GSTA2: variants seen among roughly 807,000 people sequenced by gnomAD.
The protein encoded by GSTA2 is glutathione S-transferase A2.
GSTA2 carries 27 observed loss-of-function variants against 22.4 expected under a neutral mutation model. That is an observed-to-expected ratio of 1.21 (90% confidence interval 0.89 to 1.67). The LOEUF (loss-of-function observed/expected upper bound fraction) is 1.67. Ranked by LOEUF, GSTA2 falls within the 40% of genes most tolerant of loss-of-function variation. GSTA2 has a pLI of 0.00. For synonymous variants in GSTA2, 121 were observed against 86.8 expected (o/e 1.39, Z -2.19); for missense variants, 302 against 260.2 (o/e 1.16, Z -1.11).
rs142063997 is a variant in GSTA2, at chr6:52,757,889, C to T, written c.59G>A (p.Arg20Gln). The part of the protein sequence containing the change: ...SNIRGRMESI[R>Q]WLLAAAGVEF... ...TACTCCAGCTGCAGCCAGGAGCCAC[C>T]GGATGGACTCCATTCTGCCCCGTAT... The change falls in exon 2 of 7, where the codon CGG becomes CAG. Residue 20 changes from arginine to glutamine, a missense_variant. Transcript: ENST00000493422. 2.6e-4 allele frequency: 415 copies of T among 1,613,544 alleles called. No homozygotes were observed. The highest frequency in any genetic ancestry group is 3.2e-4 in the Non-Finnish European group (379 of 1,179,682).
At chr6:52,759,041 C>G (rs1227428619) in intron 1 of GSTA2, among the ~76,000 whole-genome samples, 1 of 152,076 alleles carries the variant, frequency 6.6e-6, no homozygotes, top group African/African-American at 2.4e-5. Context: ...TAGTGTTTCT[C>G]AAATATGCAT....
At chr6:52,757,096 G>A (rs1467029993) in intron 2 of GSTA2, among the ~76,000 whole-genome samples, 3 of 125,184 alleles carry the variant, frequency 2.4e-5, no homozygotes, top group Admixed American at 8.5e-5. Context: ...CTCCATGACC[G>A]AGTACAGAAC....
At chr6:52,759,772 C>T (rs1762923236) in intron 1 of GSTA2, among the ~76,000 whole-genome samples, 1 of 151,538 alleles carries the variant, frequency 6.6e-6, no homozygotes, top group Non-Finnish European at 1.5e-5. Context: ...TTAGTGAAGA[C>T]AGGGTTTCAG....
rs371808734 is a variant in GSTA2 at position 52,755,017 on chromosome 6, C to T, written c.198G>A (p.Val66=). The change falls in exon 4 of 7, where the codon GTG becomes GTA. Residue 66 remains valine, a synonymous_variant. Coordinates refer to ENST00000493422, the MANE Select transcript of GSTA2 (RefSeq NM_000846.5). The part of the protein sequence containing the change: ...PMVEIDGMKL[V]QTRAILNYIA... ...TGTAGTTGAGAATGGCTCTGGTCTG[C>T]ACCAGCTTCATCCCATCAATCTCAA... is the stretch of plus-strand genomic sequence containing the variant. 19 of 1,613,934 alleles carry T rather than the reference C, an allele frequency of 1.2e-5. No individual in the cohort carries two copies. The highest frequency in any genetic ancestry group is 1.4e-5 in the Non-Finnish European group (17 of 1,180,020).
intron 1 of GSTA2, among the ~76,000 whole-genome samples, chr6:52,762,105 C>T (rs1762961098): frequency 6.7e-6 from 1 of 148,560 alleles, no homozygotes; most frequent in South Asian, 2.1e-4. Flanking sequence ...GTCAAGTACC[C>T]AGGGACACAA....
intron 4 of GSTA2, among the ~76,000 whole-genome samples, chr6:52,753,879 C>T (rs1436688618): frequency 6.6e-6 from 1 of 152,192 alleles, no homozygotes; most frequent in South Asian, 2.1e-4. Context: ...TCATTTTTCT[C>T]CAAGCCCCAC....
At chr6:52,754,406 C>T (rs1268593919) in intron 4 of GSTA2, among the ~76,000 whole-genome samples, 2 of 152,176 alleles carry the variant, frequency 1.3e-5, no homozygotes, top group Non-Finnish European at 2.9e-5. Flanking sequence ...GGCCTTCTAT[C>T]CATGTGTCAA....
At position 52,756,321 on chromosome 6, in the gene GSTA2, A is replaced by C; in HGVS notation, c.88-12T>G. 6.3e-7 allele frequency: 1 copy of C among 1,588,866 alleles called. No homozygotes were observed. The highest frequency in any genetic ancestry group is 8.6e-7 in the Non-Finnish European group (1 of 1,157,492). ...AATTTCTCTTCAAACTGGAAGCAGAAACAGTAAATATGTTCTTGTTAGTTC... is the reference window on the plus strand; with the variant it reads ...AATTTCTCTTCAAACTGGAAGCAGACACAGTAAATATGTTCTTGTTAGTTC... On this transcript the variant is annotated splice_polypyrimidine_tract_variant and intron_variant, in intron 2 of 6. Transcript: ENST00000493422.
intron 5 of GSTA2, among the ~76,000 whole-genome samples, chr6:52,752,162 C>T (rs1297917793): frequency 6.6e-6 from 1 of 152,158 alleles, no homozygotes; most frequent in Non-Finnish European, 1.5e-5. Context: ...TCAGAGTCCT[C>T]ATTTCTCCTT....
At chr6:52,755,671 G>T (rs573297904) in intron 3 of GSTA2, among the ~76,000 whole-genome samples, 1 of 152,102 alleles carries the variant, frequency 6.6e-6, no homozygotes, top group Non-Finnish European at 1.5e-5. Context: ...GATATTTTAG[G>T]AAGAGGTTGG....
chr6:52,759,648 G>A lies in GSTA2; in HGVS notation c.-30-1671C>T, dbSNP rs192612805. Among the ~76,000 whole-genome samples, 233 of 124,306 alleles carry A rather than the reference G, an allele frequency of 1.9e-3. 2 individuals are homozygous for A. The highest frequency in any genetic ancestry group is 6.6e-3 in the African/African-American group (221 of 33,442). 81.5% of individuals were successfully genotyped at this position (124,306 alleles called of 152,430 possible). ...TGCCCAGGCTGCAGTGCAATGGCGC[G>A]ATCTTGGCTCACTACAACCTCAGCT... On this transcript the variant is annotated intron_variant, in intron 1 of 6. Transcript: ENST00000493422.
chr6:52,754,768 C>G (rs535721467), intron 4 of GSTA2, among the ~76,000 whole-genome samples, 175 bp downstream of exon 4: 3 of 152,230 alleles, frequency 2.0e-5, no homozygotes, highest in South Asian at 2.1e-4. Flanking sequence ...TGAACCCTCC[C>G]CATGTTCACT....
At chr6:52,754,048 C>T (rs370840302) in intron 4 of GSTA2, among the ~76,000 whole-genome samples, 2 of 152,194 alleles carry the variant, frequency 1.3e-5, no homozygotes, top group Non-Finnish European at 2.9e-5. Context: ...AGCATGCATT[C>T]GTACTTCATT....
chr6:52,752,850 T>G lies in GSTA2; in HGVS notation c.414+4A>C, dbSNP rs1762768567. ...TCCCCAAAACACTGAACAGCTTCAC[T>G]TACTTTTTCAAAGGCAGGGAAGTAG... On this transcript the variant is annotated splice_donor_region_variant and intron_variant, in intron 5 of 6. Coordinates refer to ENST00000493422, the MANE Select transcript of GSTA2 (RefSeq NM_000846.5). 1.9e-6 allele frequency: 3 copies of G among 1,613,666 alleles called. No homozygotes were observed. Among genetic ancestry groups the G allele is most frequent in the Admixed American group, 3.3e-5 (2 of 59,994 alleles).
intron 4 of GSTA2, 38 bp downstream of exon 4, chr6:52,754,905 T>C: frequency 1.2e-6 from 2 of 1,611,850 alleles, no homozygotes; most frequent in African/African-American, 1.3e-5. Context: ...AATCACTCTA[T>C]GTTCTCTGTG....
rs10626189 is a variant in GSTA2 at position 52,755,215 on chromosome 6, C to CTTTT, written c.140-144_140-141dup. 1.1e-3 allele frequency: 753 copies of CTTTT among 708,396 alleles called. 1 individual carries two copies. Among genetic ancestry groups the CTTTT allele is most frequent in the African/African-American group, 3.4e-3 (173 of 50,280 alleles). The allele number at this position is 708,396 out of a possible 1,614,324, so 43.9% of individuals were successfully genotyped here. A position where few individuals can be genotyped will look rare whatever the true frequency, so the allele number is the denominator to read the frequency against. On this transcript the variant is annotated intron_variant, in intron 3 of 6. Transcript: ENST00000493422. ...CCTGGTAAGAGTTCACTTGAAACAA[C>CTTTT]TTTTTTTTTTTTTTTTTGAGGCAGA...
At chr6:52,758,078 A>ACCACAAAC (rs1762882151) in intron 1 of GSTA2, 101 bp from the exon 2 acceptor site, 1 of 694,848 alleles carries the variant, frequency 1.4e-6, no homozygotes, top group Non-Finnish European at 2.4e-6. Flanking sequence ...GCTGAAGAAG[A>ACCACAAAC]ACCTGCCTTC....
In GSTA2 at chr6:52,750,593, T is replaced by G. The variant is rs142011412; in HGVS notation, c.653A>C (p.Lys218Thr). 36 of 1,613,826 alleles carry G rather than the reference T, an allele frequency of 2.2e-5. No individual in the cohort carries two copies. The highest frequency in any genetic ancestry group is 3.0e-5 in the Non-Finnish European group (35 of 1,179,892). Residue 218 changes from lysine to threonine, a missense_variant, in exon 7 of 7, where the codon AAG (lysine) becomes ACG (threonine). Coordinates refer to ENST00000493422, the MANE Select transcript of GSTA2 (RefSeq NM_000846.5). ...MDEKSLEESRKIFRF is the reference protein window; with the variant it reads ...MDEKSLEESRTIFRF ...GCTGGTTTATTAAAACCTGAAAATC[T>G]TCCTTGATTCTTCTAAAGATTTCTC...
intron 1 of GSTA2, among the ~76,000 whole-genome samples, chr6:52,761,174 A>G (rs557382673): frequency 4.2e-4 from 64 of 152,178 alleles, no homozygotes; most frequent in Non-Finnish European, 2.8e-4. Flanking sequence ...GATAATGTAG[A>G]AAAAAATCAT....
Sources: allele counts gnomAD v4.1 joint callset (sites outside exome capture counted in the v4.1 genomes callset), GRCh38; gene constraint gnomAD v4.1.1; transcripts MANE v1.5; gene names NCBI Gene and HGNC (gene_info 2026-07-23, HGNC 2026-07-21).